The following IQCH variants were observed in gnomAD, a reference collection of about 807,000 sequenced individuals.
IQCH encodes IQ domain-containing protein H.
In IQCH, 98 loss-of-function variants were observed where a neutral mutation model predicts 117.0. That is an observed-to-expected ratio of 0.84 (90% CI 0.71 to 0.99). The LOEUF is 0.99. Ranked by LOEUF, IQCH falls within the 50% of genes least tolerant of loss-of-function variation. The probability of loss-of-function intolerance (pLI) is 0.00; values close to 1 mark genes in which losing one functional copy is unlikely to be tolerated. For missense variants in IQCH, 1,102 were observed against 1,243.8 expected (o/e 0.89, Z 1.72); for synonymous variants, 412 against 448.2 (o/e 0.92, Z 1.02).
intron 14 of IQCH, among the ~76,000 whole-genome samples, chr15:67,414,692 A>G (rs930511866): frequency 1.3e-5 from 2 of 149,316 alleles, no homozygotes; most frequent in East Asian, 1.9e-4. Flanking sequence ...TAATATATAT[A>G]TGTGTATATA....
chr15:67,283,554 G>A (rs8034219), intron 4 of IQCH, among the ~76,000 whole-genome samples: 151,265 of 152,180 alleles, frequency 0.99, 75,189 homozygotes, highest in Middle Eastern at 1. Flanking sequence ...ATCCGTGACA[G>A]CAAAAGAGGG....
chr15:67,301,406 T>TTG (rs1733551642), intron 4 of IQCH, among the ~76,000 whole-genome samples: 1 of 111,942 alleles, frequency 8.9e-6, no homozygotes, highest in Non-Finnish European at 1.9e-5. Context: ...GTTAAGTTTT[T>TTG]TTTTTTTTTT....
intron 16 of IQCH, among the ~76,000 whole-genome samples, chr15:67,464,020 T>C (rs8039147): frequency 0.14 from 20,615 of 152,064 alleles, 1,582 homozygotes; most frequent in East Asian, 0.21. Context: ...CTTTTGTATT[T>C]TTAGTAGAGA....
chr15:67,360,056 A>G lies in IQCH; in HGVS notation c.753+171A>G, dbSNP rs139487383. 713 of 572,668 alleles carry G rather than the reference A, an allele frequency of 1.2e-3. 9 individuals carry two copies. The East Asian group carries it at 0.019, about 15-fold the overall frequency. The allele number at this position is 572,668 out of a possible 1,614,324, so 35.5% of individuals were successfully genotyped here. ...ATGGTTTCAGGAAAAAAAAAAAAACATGGTTCATTTAAAGTGAAAACCCTT... is the reference window on the plus strand; with the variant it reads ...ATGGTTTCAGGAAAAAAAAAAAAACGTGGTTCATTTAAAGTGAAAACCCTT... On this transcript the variant is annotated intron_variant, in intron 8 of 20. Coordinates refer to ENST00000335894, the MANE Select transcript of IQCH (RefSeq NM_001031715.3).
chr15:67,484,084 T>C (rs897475736), intron 18 of IQCH, among the ~76,000 whole-genome samples: 2 of 150,556 alleles, frequency 1.3e-5, no homozygotes, highest in Non-Finnish European at 2.9e-5. Flanking sequence ...AACCTTTAAA[T>C]AGACCAGGTC....
At chr15:67,394,173 A>G (rs1567151745) in intron 12 of IQCH, among the ~76,000 whole-genome samples, 1 of 152,180 alleles carries the variant, frequency 6.6e-6, no homozygotes, top group Non-Finnish European at 1.5e-5. Context: ...TGTCTTTCCC[A>G]TGCCCATCTT....
intron 4 of IQCH, among the ~76,000 whole-genome samples, chr15:67,308,341 T>C (rs1967410531): frequency 6.6e-6 from 1 of 152,176 alleles, no homozygotes; most frequent in Non-Finnish European, 1.5e-5. Context: ...AACAATCAGA[T>C]GCAATTTCTT....
At chr15:67,307,075 A>G in intron 4 of IQCH, 2 of 1,279,802 alleles carry the variant, frequency 1.6e-6, no homozygotes, top group Non-Finnish European at 2.0e-6. Flanking sequence ...ATTGCTTTGA[A>G]TTGCTGCACA....
In IQCH at chr15:67,456,076, T is replaced by C. The variant is rs1457281114; in HGVS notation, c.2506-9051T>C. On this transcript the variant is annotated intron_variant, in intron 16 of 20. Coordinates refer to ENST00000335894, the MANE Select transcript of IQCH (RefSeq NM_001031715.3). The surrounding 1 kb of genome is among the most constrained non-coding windows in gnomAD (Gnocchi z 5.1). ...CTTGAAAGTAATAGAGGGAGGGTCA[T>C]AAATGCATGGAGGCTGCAGAAGAAA... Among the ~76,000 whole-genome samples, 3 of 152,076 alleles carry C rather than the reference T, an allele frequency of 2.0e-5. No homozygotes were observed. The highest frequency in any genetic ancestry group is 3.9e-4 in the East Asian group (2 of 5,192).
chr15:67,330,899 C>CT (rs1417915564), intron 4 of IQCH, among the ~76,000 whole-genome samples: 2 of 152,100 alleles, frequency 1.3e-5, no homozygotes, highest in African/African-American at 2.4e-5. Context: ...AGCCTAAAAA[C>CT]TTTAACAAGG....
intron 1 of IQCH, among the ~76,000 whole-genome samples, chr15:67,257,897 C>A (rs944550607): frequency 6.6e-6 from 1 of 152,200 alleles, no homozygotes; most frequent in African/African-American, 2.4e-5. Context: ...TTCATTCTTT[C>A]TGATTGTGTC....
intron 16 of IQCH, among the ~76,000 whole-genome samples, 161 bp from the exon 17 acceptor site, chr15:67,464,966 T>C (rs890807002): frequency 1.3e-5 from 2 of 152,184 alleles, no homozygotes; most frequent in Non-Finnish European, 2.9e-5. Flanking sequence ...CATCTCTCAG[T>C]TGAACAATGT....
chr15:67,317,798 A>G (rs1372821663), intron 4 of IQCH, among the ~76,000 whole-genome samples: 1 of 141,874 alleles, frequency 7.0e-6, no homozygotes, highest in South Asian at 2.4e-4. Context: ...GATTCTGTAG[A>G]GAAGTGACAG....
intron 14 of IQCH, among the ~76,000 whole-genome samples, chr15:67,415,618 G>A (rs2081557275): frequency 6.6e-6 from 1 of 152,196 alleles, no homozygotes; most frequent in Non-Finnish European, 1.5e-5. Context: ...GGGGTGAGCA[G>A]TGCATAGAGG....
chr15:67,421,555 A>G lies in IQCH; in HGVS notation c.2483A>G (p.Asp828Gly), dbSNP rs753022239. ...YFSIDLVTFI[D>G]PSTLEQQVWA... ...TCGATAGATCTGGTGACTTTTATAG[A>G]TCCAAGCACCTTGGAACAACAGGTA... is the stretch of plus-strand genomic sequence containing the variant. Residue 828 changes from aspartate (D) to glycine (G), a missense_variant, in exon 16 of 21, where the codon GAT becomes GGT. Transcript: ENST00000335894. The G allele has an allele frequency of 6.2e-7, 1 of 1,614,120 alleles. No individual in the cohort carries two copies. Among genetic ancestry groups the G allele is most frequent in the East Asian group, 2.2e-5 (1 of 44,884 alleles).
chr15:67,377,928 CA>C (rs1400449562), intron 10 of IQCH, among the ~76,000 whole-genome samples: 109 of 152,240 alleles, frequency 7.2e-4, no homozygotes, highest in Non-Finnish European at 9.7e-4. Flanking sequence ...TAGTGGTCTT[CA>C]AATTCTTCTT....
At chr15:67,483,555 G>A (rs1370457036) in intron 18 of IQCH, among the ~76,000 whole-genome samples, 1 of 152,166 alleles carries the variant, frequency 6.6e-6, no homozygotes, top group Non-Finnish European at 1.5e-5. Context: ...AGCATCTAAG[G>A]TGAGTGTCAT....
At chr15:67,329,723 C>A (rs1353996480) in intron 4 of IQCH, among the ~76,000 whole-genome samples, 1 of 152,030 alleles carries the variant, frequency 6.6e-6, no homozygotes, top group African/African-American at 2.4e-5. Flanking sequence ...CCCACATCAC[C>A]CTCCCAAAGC....
At chr15:67,255,202 GA>G in intron 1 of IQCH, 1 of 551,318 alleles carries the variant, frequency 1.8e-6, no homozygotes, top group South Asian at 2.4e-5. Flanking sequence ...CGTTCACCCG[GA>G]ACCTTTACTT....
Sources: gnomAD v4.1 joint callset for allele counts (sites outside exome capture counted in the v4.1 genomes callset) on GRCh38, gnomAD v4.1.1 for gene constraint, Gnocchi (gnomAD v3.1) non-coding constraint, MANE v1.5 for transcripts, NCBI Gene and HGNC (gene_info 2026-07-23, HGNC 2026-07-21) for gene names.